IL17RD: variants seen among roughly 807,000 people sequenced by gnomAD.
The protein encoded by IL17RD is interleukin 17 receptor D.
A neutral mutation model predicts 80.5 loss-of-function variants in IL17RD; 52 were observed. That is an observed-to-expected ratio of 0.65 (90% CI 0.52 to 0.81). The LOEUF is 0.81. Ranked by LOEUF, IL17RD falls within the 40% of genes least tolerant of loss-of-function variation. The pLI, the probability that IL17RD is intolerant of heterozygous loss-of-function variation, is 0.00. For missense variants in IL17RD, 1,024 were observed against 955.1 expected (o/e 1.07, Z -0.95); for synonymous variants, 416 against 391.8 (o/e 1.06, Z -0.73).
chr3:57,123,711 A>G (rs1476641648), intron 1 of IL17RD, among the ~76,000 whole-genome samples: 1 of 152,230 alleles, frequency 6.6e-6, no homozygotes, highest in Non-Finnish European at 1.5e-5. Context: ...GCTCAGAAGC[A>G]GGAGAAAACA....
chr3:57,163,246 C>G (rs78967244), intron 1 of IL17RD, among the ~76,000 whole-genome samples: 4,067 of 152,158 alleles, frequency 0.027, 86 homozygotes, highest in South Asian at 0.048. Flanking sequence ...CCCAAGGAAA[C>G]GATTGGTGGG....
intron 12 of IL17RD, 54 bp from the exon 13 acceptor site, chr3:57,096,559 G>A: frequency 8.1e-7 from 1 of 1,238,378 alleles, no homozygotes; most frequent in South Asian, 1.2e-5. Flanking sequence ...CACTGGGCTG[G>A]GCAGGTGCTC....
Position 57,096,249 on chromosome 3 carries a change from G to A in IL17RD, c.*144C>T, listed in dbSNP as rs1368229263. 2 of 654,964 alleles carry A rather than the reference G, an allele frequency of 3.1e-6. No individual in the cohort carries two copies. Among genetic ancestry groups the A allele is most frequent in the Non-Finnish European group, 5.6e-6 (2 of 356,084 alleles). The allele number at this position is 654,964 out of a possible 1,614,324, so 40.6% of individuals were successfully genotyped here. A position where few individuals can be genotyped will look rare whatever the true frequency, so the allele number is the denominator to read the frequency against. ...TATCCGGTAAAGGGTTGGGGCAAGGGAGAACAAGTACTGGCCAGCATTTCA... is the reference window on the plus strand; with the variant it reads ...TATCCGGTAAAGGGTTGGGGCAAGGAAGAACAAGTACTGGCCAGCATTTCA... On this transcript the variant is annotated 3_prime_UTR_variant, in exon 13 of 13. Coordinates refer to ENST00000296318, the MANE Select transcript of IL17RD (RefSeq NM_017563.5).
intron 3 of IL17RD, among the ~76,000 whole-genome samples, chr3:57,113,133 G>C (rs1227782856): frequency 1.3e-5 from 2 of 152,190 alleles, no homozygotes; most frequent in Non-Finnish European, 2.9e-5. Flanking sequence ...TCTTTCCTGT[G>C]TATCTTCAAT....
At chr3:57,107,822 G>A (rs1231895178) in intron 5 of IL17RD, among the ~76,000 whole-genome samples, 1 of 152,150 alleles carries the variant, frequency 6.6e-6, no homozygotes, top group Non-Finnish European at 1.5e-5. Flanking sequence ...TCTAGTAAGT[G>A]GGGATGGTAC....
intron 1 of IL17RD, among the ~76,000 whole-genome samples, chr3:57,144,242 C>T (rs1260763095): frequency 2.0e-5 from 3 of 148,814 alleles, no homozygotes; most frequent in Non-Finnish European, 4.4e-5. Flanking sequence ...TTGTTGGTGC[C>T]CTCATACTCT....
rs1483200889 is a variant in IL17RD, at chr3:57,109,647, G to A, written c.440C>T (p.Ser147Phe). ...AAATTTCATATTCAGGAAAGGTTGA[G>A]ATTCCATTCCCTAAAAGGGAACAAA... ...NSSFKRTGME[S>F]QPFLNMKFET... The change falls in exon 5 of 13, where the codon TCT (serine) becomes TTT (phenylalanine). Residue 147 changes from serine (S) to phenylalanine (F), a missense_variant. Coordinates refer to ENST00000296318, the MANE Select transcript of IL17RD (RefSeq NM_017563.5). 1 of 1,613,210 alleles carries A rather than the reference G, an allele frequency of 6.2e-7. No individual in the cohort carries two copies. The highest frequency in any genetic ancestry group is 8.5e-7 in the Non-Finnish European group (1 of 1,179,532).
At chr3:57,145,640 C>T (rs1707910644) in intron 1 of IL17RD, among the ~76,000 whole-genome samples, 1 of 152,114 alleles carries the variant, frequency 6.6e-6, no homozygotes, top group South Asian at 2.1e-4. Context: ...GTCTAGGTAG[C>T]AAAAGAGGTG....
chr3:57,131,316 C>A (rs898071346), intron 1 of IL17RD, among the ~76,000 whole-genome samples: 5 of 152,202 alleles, frequency 3.3e-5, no homozygotes, highest in African/African-American at 9.7e-5. Context: ...TCAGTATAAG[C>A]ATGCAACTCA....
chr3:57,100,489 A>C (rs1706802876), intron 11 of IL17RD, among the ~76,000 whole-genome samples: 1 of 152,232 alleles, frequency 6.6e-6, no homozygotes, highest in Non-Finnish European at 1.5e-5. Flanking sequence ...ATAAGATATT[A>C]ATAACTCAAG....
At chr3:57,124,257 T>C (rs1707401492) in intron 1 of IL17RD, among the ~76,000 whole-genome samples, 1 of 152,156 alleles carries the variant, frequency 6.6e-6, no homozygotes, top group African/African-American at 2.4e-5. Context: ...TCAGGATAGG[T>C]AGAATGATAG....
rs1194850554 is a variant in IL17RD, at chr3:57,093,343, AG to A, written c.*3049del. The A allele has an allele frequency of 6.6e-6, 1 of 152,196 alleles. No homozygotes were observed. Among genetic ancestry groups the A allele is most frequent in the Non-Finnish European group, 1.5e-5 (1 of 68,036 alleles). The allele number at this position is 152,196 out of a possible 1,614,324, so 9.4% of individuals were successfully genotyped here. A position where few individuals can be genotyped will look rare whatever the true frequency, so the allele number is the denominator to read the frequency against. ...AGAAATAATATTTTCTCTCTTCTTC[AG>A]GGAGCCAAATTAGTGTTGAAGTTGG... On this transcript the variant is annotated 3_prime_UTR_variant, in exon 13 of 13. Transcript: ENST00000296318.
chr3:57,103,962 T>C (rs980226802), intron 8 of IL17RD, among the ~76,000 whole-genome samples: 2 of 152,172 alleles, frequency 1.3e-5, no homozygotes, highest in Non-Finnish European at 1.5e-5. Context: ...TATACATACA[T>C]AGAAGAATAG....
At chr3:57,122,315 A>G (rs1707357847) in intron 1 of IL17RD, among the ~76,000 whole-genome samples, 1 of 152,196 alleles carries the variant, frequency 6.6e-6, no homozygotes, top group South Asian at 2.1e-4. Context: ...CAAGGTTAGT[A>G]CCTCAATCCT....
At chr3:57,114,479 A>G (rs1707166963) in intron 3 of IL17RD, among the ~76,000 whole-genome samples, 1 of 152,236 alleles carries the variant, frequency 6.6e-6, no homozygotes, top group African/African-American at 2.4e-5. Flanking sequence ...GTGAATAACA[A>G]TAACAGTAGA....
chr3:57,108,562 C>A (rs1320697043), intron 5 of IL17RD, among the ~76,000 whole-genome samples: 1 of 126,744 alleles, frequency 7.9e-6, no homozygotes, highest in Non-Finnish European at 1.6e-5. Context: ...TTCACCCAGG[C>A]TGGAGTACAG....
chr3:57,152,024 CA>C (rs2060228669), intron 1 of IL17RD, among the ~76,000 whole-genome samples: 1 of 152,068 alleles, frequency 6.6e-6, no homozygotes, highest in East Asian at 1.9e-4. Flanking sequence ...ACTGTGCCCC[CA>C]GTGCCTCCTT....
intron 7 of IL17RD, 94 bp downstream of exon 7, chr3:57,105,763 A>G: frequency 9.8e-7 from 1 of 1,022,358 alleles, no homozygotes; most frequent in Non-Finnish European, 1.4e-6. Flanking sequence ...AGAGCCAACA[A>G]AGCCTAATGC....
At chr3:57,111,391 A>C (rs1707093853) in intron 3 of IL17RD, among the ~76,000 whole-genome samples, 1 of 152,206 alleles carries the variant, frequency 6.6e-6, no homozygotes, top group Non-Finnish European at 1.5e-5. Flanking sequence ...TACTGTGCAC[A>C]GGTATCGACT....
Sources: gnomAD v4.1 joint callset for allele counts (sites outside exome capture counted in the v4.1 genomes callset) on GRCh38, gnomAD v4.1.1 for gene constraint, MANE v1.5 for transcripts, NCBI Gene and HGNC (gene_info 2026-07-23, HGNC 2026-07-21) for gene names.